Variants in SLC20A2 observed in about 807,000 individuals in gnomAD.
SLC20A2 encodes sodium-dependent phosphate transporter 2.
Under a neutral mutation model 61.0 loss-of-function variants are expected in SLC20A2, and 30 were observed. The ratio of observed to expected loss-of-function variants is 0.49; its 90% CI spans 0.37 to 0.67. The LOEUF is 0.67. Ranked by LOEUF, SLC20A2 falls within the 30% of genes least tolerant of loss-of-function variation. The pLI is 0.00. For missense variants in SLC20A2, 626 were observed against 866.4 expected (o/e 0.72, Z 3.48); for synonymous variants, 351 against 353.3 (o/e 0.99, Z 0.07).
At position 42,489,996 on chromosome 8, in the gene SLC20A2, T is replaced by C. The variant is rs77732857; in HGVS notation, c.-265+11035A>G. ...AAAAGCAAATTTTACCATGTGCAAA[T>C]AAAAAAATAACCAGGATTTGTTGTT... On this transcript the variant is annotated intron_variant, in intron 1 of 10. Coordinates refer to ENST00000520262, the MANE Select transcript of SLC20A2 (RefSeq NM_001257180.2). 5.0e-3 allele frequency among the ~76,000 whole-genome samples: 768 copies of C among 152,186 alleles called. 9 individuals are homozygous for C. Among genetic ancestry groups the C allele is most frequent in the African/African-American group, 0.018 (734 of 41,522 alleles).
At chr8:42,419,959 G>A (rs374259065) in intron 10 of SLC20A2, among the ~76,000 whole-genome samples, 2 of 152,116 alleles carry the variant, frequency 1.3e-5, no homozygotes, top group Admixed American at 6.6e-5. Flanking sequence ...AGGCCAAGGC[G>A]GGCGGATACA....
intron 1 of SLC20A2, among the ~76,000 whole-genome samples, chr8:42,507,844 A>G (rs939096092): frequency 6.6e-6 from 1 of 152,196 alleles, no homozygotes; most frequent in Non-Finnish European, 1.5e-5. Context: ...ATAAGCAAAG[A>G]AGAGGCTTCC....
At chr8:42,432,733 A>T (rs1442842306) in intron 8 of SLC20A2, among the ~76,000 whole-genome samples, 1 of 152,270 alleles carries the variant, frequency 6.6e-6, no homozygotes, top group African/African-American at 2.4e-5. Context: ...ATCAAGGCCC[A>T]GACCCTCCAT....
At chr8:42,432,053 AT>A (rs1372711518) in intron 8 of SLC20A2, among the ~76,000 whole-genome samples, 2 of 152,228 alleles carry the variant, frequency 1.3e-5, no homozygotes, top group Non-Finnish European at 2.9e-5. Context: ...TTCAAGTCTT[AT>A]TACTTAAGAA....
At chr8:42,431,416 A>G (rs1233479738) in intron 8 of SLC20A2, among the ~76,000 whole-genome samples, 2 of 152,382 alleles carry the variant, frequency 1.3e-5, no homozygotes, top group African/African-American at 4.8e-5. Flanking sequence ...GAAGCTAAAG[A>G]AAAGCTGGAA....
chr8:42,469,229 A>C (rs935588889), intron 2 of SLC20A2, among the ~76,000 whole-genome samples: 2 of 152,228 alleles, frequency 1.3e-5, no homozygotes, highest in African/African-American at 4.8e-5. Flanking sequence ...CCACCATCTT[A>C]AATTTATAGC....
intron 5 of SLC20A2, among the ~76,000 whole-genome samples, chr8:42,452,580 AGAGGAAGAGATGAAGAAGAGGAGGATGAG>A (rs1159387422): frequency 2.7e-5 from 4 of 148,650 alleles, no homozygotes; most frequent in African/African-American, 9.9e-5. Context: ...AGGAGCGGGA[AGAGGAAGAGATGAAGAAGAGGAGGATGAG>A]GAGGAAGAGA....
At chr8:42,492,158 C>G (rs1343388115) in intron 1 of SLC20A2, among the ~76,000 whole-genome samples, 1 of 152,278 alleles carries the variant, frequency 6.6e-6, no homozygotes, top group Non-Finnish European at 1.5e-5. Context: ...AGTTCGAGAC[C>G]AGCCTGGCCA....
chr8:42,439,092 T>G (rs1249275690), intron 7 of SLC20A2, among the ~76,000 whole-genome samples: 1 of 152,226 alleles, frequency 6.6e-6, no homozygotes, highest in Admixed American at 6.5e-5. Flanking sequence ...GCTTTCTCTT[T>G]GCATCTTCCA....
At chr8:42,458,563 C>T (rs1035022352) in intron 5 of SLC20A2, among the ~76,000 whole-genome samples, 1 of 144,428 alleles carries the variant, frequency 6.9e-6, no homozygotes, top group Non-Finnish European at 1.5e-5. Context: ...GTCAAGGCTG[C>T]AGTGGGCTAT....
chr8:42,475,139 AC>A (rs1807966596), intron 1 of SLC20A2, among the ~76,000 whole-genome samples: 2 of 151,928 alleles, frequency 1.3e-5, no homozygotes, highest in Admixed American at 6.6e-5. Flanking sequence ...TTGCTCTGTC[AC>A]CCAGGCTAGA....
At chr8:42,436,205 G>C (rs1039335625) in intron 8 of SLC20A2, among the ~76,000 whole-genome samples, 1 of 151,962 alleles carries the variant, frequency 6.6e-6, no homozygotes, top group Non-Finnish European at 1.5e-5. Flanking sequence ...TGTGCACTCT[G>C]CCTCCTGCCT....
rs1468430146 is a variant in SLC20A2 at position 42,444,563 on chromosome 8, T to C, written c.730+83A>G. 4 of 1,016,944 alleles carry C rather than the reference T, an allele frequency of 3.9e-6. No individual in the cohort carries two copies. In the East Asian group the frequency reaches 9.7e-5, roughly 25 times the overall value. 63.0% of individuals were successfully genotyped at this position (1,016,944 alleles called of 1,614,324 possible). A position where few individuals can be genotyped will look rare whatever the true frequency, so the allele number is the denominator to read the frequency against. On this transcript the variant is annotated intron_variant, in intron 6 of 10. Coordinates refer to ENST00000520262, the MANE Select transcript of SLC20A2 (RefSeq NM_001257180.2). ...TCACCCACACTTCCATTTCCTCCAT[T>C]AGTAAGGATCATGGCATGTTACATG...
chr8:42,450,156 T>C (rs1048383772), intron 5 of SLC20A2, among the ~76,000 whole-genome samples: 6 of 151,914 alleles, frequency 3.9e-5, no homozygotes, highest in Non-Finnish European at 5.9e-5. Flanking sequence ...AAATGTGATT[T>C]CCTAATTTGC....
intron 1 of SLC20A2, among the ~76,000 whole-genome samples, chr8:42,517,291 C>G (rs1411550765): frequency 6.6e-6 from 1 of 150,730 alleles, no homozygotes; most frequent in African/African-American, 2.4e-5. Flanking sequence ...TCACCTGAAC[C>G]TGGGAAGTTG....
rs34643152 is a variant in SLC20A2, at chr8:42,488,935, G to GTT, written c.-265+12094_-265+12095dup. On this transcript the variant is annotated intron_variant, in intron 1 of 10. Coordinates refer to ENST00000520262, the MANE Select transcript of SLC20A2 (RefSeq NM_001257180.2). The stretch of plus-strand genomic sequence containing the variant: ...TTTGTTTTTGAGTTATAGGAGTTTT[G>GTT]TTTTTTTTTTTTTTTTTTTTTTGAA... Among the ~76,000 whole-genome samples the GTT allele has an allele frequency of 2.2e-3, 183 of 83,508 alleles. 1 individual carries two copies. Among genetic ancestry groups the GTT allele is most frequent in the South Asian group, 4.2e-3 (8 of 1,890 alleles). 54.8% of individuals were successfully genotyped at this position (83,508 alleles called of 152,430 possible). A position where few individuals can be genotyped will look rare whatever the true frequency, so the allele number is the denominator to read the frequency against.
intron 10 of SLC20A2, among the ~76,000 whole-genome samples, chr8:42,419,280 A>C (rs1802887602): frequency 6.6e-6 from 1 of 152,052 alleles, no homozygotes; most frequent in Non-Finnish European, 1.5e-5. Flanking sequence ...TAAAATGGTG[A>C]TTTACCAGGC....
chr8:42,496,772 G>A (rs1038432295), intron 1 of SLC20A2, among the ~76,000 whole-genome samples: 8 of 152,170 alleles, frequency 5.3e-5, no homozygotes, highest in African/African-American at 1.9e-4. Context: ...CCTGCTCCTA[G>A]GGTGTAGTGG....
chr8:42,471,226 C>T (rs1357937715), intron 2 of SLC20A2: 1 of 456,240 alleles, frequency 2.2e-6, no homozygotes, highest in Non-Finnish European at 4.4e-6. Flanking sequence ...AAAAAGAATC[C>T]TGTCAGCTGC....
Sources: allele counts gnomAD v4.1 joint callset (sites outside exome capture counted in the v4.1 genomes callset), GRCh38; gene constraint gnomAD v4.1.1; transcripts MANE v1.5; gene names NCBI Gene and HGNC (gene_info 2026-07-23, HGNC 2026-07-21).